HPS1: variants seen among roughly 807,000 people sequenced by gnomAD.
HPS1 encodes the protein BLOC-3 complex member HPS1.
A neutral mutation model predicts 90.6 loss-of-function variants in HPS1; 59 were observed. The ratio of observed to expected loss-of-function variants is 0.65; its 90% CI spans 0.53 to 0.81. HPS1 has a LOEUF of 0.81. HPS1 is among the 30% of genes least tolerant of loss of function. The pLI is 0.00. For synonymous variants in HPS1, 388 were observed against 384.4 expected, an observed-to-expected ratio of 1.01 and a Z score of -0.11; for missense variants, 849 against 896.7, an observed-to-expected ratio of 0.95 and a Z score of 0.68.
chr10:98,419,448 A>T (rs527467543), intron 18 of HPS1, among the ~76,000 whole-genome samples: 31 of 152,096 alleles, frequency 2.0e-4, no homozygotes, highest in Non-Finnish European at 3.8e-4. Context: ...CACCCCTCAC[A>T]GCCCTGTGCA....
At chr10:98,433,587 G>A (rs1434012722) in intron 6 of HPS1, among the ~76,000 whole-genome samples, 1 of 152,148 alleles carries the variant, frequency 6.6e-6, no homozygotes, top group African/African-American at 2.4e-5. Context: ...GCTATTTACT[G>A]GCTGTAGTGC....
chr10:98,427,052 G>A (rs959197073), intron 11 of HPS1, 163 bp downstream of exon 11: 4 of 598,654 alleles, frequency 6.7e-6, no homozygotes, highest in African/African-American at 3.7e-5. Context: ...TCTGGGCTGA[G>A]CTCTGGCACC....
At chr10:98,443,033 G>A (rs1938723918) in intron 3 of HPS1, 91 bp downstream of exon 3, 1 of 917,326 alleles carries the variant, frequency 1.1e-6, no homozygotes, top group Non-Finnish European at 1.8e-6. Context: ...AGGACAGGGT[G>A]AACACAGGTT....
At chr10:98,424,032 A>T in intron 14 of HPS1, 145 bp from the exon 15 acceptor site, 1 of 1,103,986 alleles carries the variant, frequency 9.1e-7, no homozygotes, top group Non-Finnish European at 1.3e-6. Flanking sequence ...TGTACCCAGG[A>T]CAGACCAACC....
rs1052580993 is a variant in HPS1, at chr10:98,424,214, T to C, written c.1397+99A>G. On this transcript the variant is annotated intron_variant, in intron 14 of 19. Coordinates refer to ENST00000361490, the MANE Select transcript of HPS1 (RefSeq NM_000195.5). The stretch of plus-strand genomic sequence containing the variant: ...GAAATCTCCTTTCTTGAAATTATTT[T>C]GCTGATAAATGAAGGGCAGTGGTGG... 5 of 901,034 alleles carry C rather than the reference T, an allele frequency of 5.5e-6. No homozygotes were observed. In the African/African-American group the frequency reaches 8.2e-5, roughly 15 times the overall value. The allele number at this position is 901,034 out of a possible 1,614,324, so 55.8% of individuals were successfully genotyped here.
At chr10:98,430,063 C>T (rs570246013) in intron 8 of HPS1, among the ~76,000 whole-genome samples, 174 bp from the exon 9 acceptor site, 2 of 152,320 alleles carry the variant, frequency 1.3e-5, no homozygotes, top group South Asian at 4.1e-4. Context: ...TCTAGGCGGT[C>T]TGTTCTGTGG....
At chr10:98,429,257 C>A (rs1591075612) in intron 10 of HPS1, 5 of 1,178,816 alleles carry the variant, frequency 4.2e-6, no homozygotes, top group Non-Finnish European at 5.4e-6. Flanking sequence ...ATGATTATTA[C>A]TAAATTTAAC....
rs902731307 is a variant in HPS1 at position 98,422,034 on chromosome 10, G to T, written c.1743+335C>A. On this transcript the variant is annotated intron_variant, in intron 17 of 19. Coordinates refer to ENST00000361490, the MANE Select transcript of HPS1 (RefSeq NM_000195.5). ...CACACACGTATAGTTTTTTTGGAGA[G>T]TGGCAGGGGTCCTCCCCCTATCAAA... Among the ~76,000 whole-genome samples, 18 of 149,688 alleles carry T rather than the reference G, an allele frequency of 1.2e-4. 1 individual carries two copies. The highest frequency in any genetic ancestry group is 1.9e-4 in the Non-Finnish European group (13 of 67,360).
chr10:98,434,790 T>C (rs1430214450), intron 5 of HPS1, among the ~76,000 whole-genome samples: 1 of 152,146 alleles, frequency 6.6e-6, no homozygotes, highest in African/African-American at 2.4e-5. Flanking sequence ...CATGATTCTC[T>C]TTCCCCAAGT....
At chr10:98,427,430 G>A (rs1564841931) in intron 10 of HPS1, among the ~76,000 whole-genome samples, 166 bp from the exon 11 acceptor site, 1 of 152,346 alleles carries the variant, frequency 6.6e-6, no homozygotes, top group African/African-American at 2.4e-5. Context: ...TTCATCCTAA[G>A]TTGGCAGGCA....
intron 16 of HPS1, among the ~76,000 whole-genome samples, chr10:98,423,019 C>T (rs1168019336): frequency 6.6e-6 from 1 of 152,216 alleles, no homozygotes; most frequent in Non-Finnish European, 1.5e-5. Flanking sequence ...TTCACCTGCC[C>T]ACTGAGGACC....
chr10:98,420,280 G>A, intron 17 of HPS1, 122 bp from the exon 18 acceptor site: 1 of 747,932 alleles, frequency 1.3e-6, no homozygotes, highest in Non-Finnish European at 2.4e-6. Flanking sequence ...GCCTCTCCTA[G>A]TACCCGGGCA....
At chr10:98,424,215 G>C in intron 14 of HPS1, 98 bp downstream of exon 14, 1 of 904,004 alleles carries the variant, frequency 1.1e-6, no homozygotes, top group Non-Finnish European at 1.8e-6. Flanking sequence ...AAATTATTTT[G>C]CTGATAAATG....
chr10:98,428,899 T>C (rs1246506664), intron 10 of HPS1, among the ~76,000 whole-genome samples: 1 of 151,834 alleles, frequency 6.6e-6, no homozygotes, highest in African/African-American at 2.4e-5. Flanking sequence ...TGGAGTGCAG[T>C]GGCATGATCT....
In HPS1 at chr10:98,435,770, G is replaced by C; in HGVS notation, c.120C>G (p.Leu40=). Residue 40 remains leucine (L), a splice_region_variant and synonymous_variant, in exon 4 of 20, where the codon CTC becomes CTG. Coordinates refer to ENST00000361490, the MANE Select transcript of HPS1 (RefSeq NM_000195.5). This position sits in a 1 kb window ranked among gnomAD's most constrained non-coding sequence, Gnocchi z 4.3. ...FGQSENEEEE[L]PALEDQLSTL... The stretch of plus-strand genomic sequence containing the variant: ...TGCTGAGCTGGTCCTCCAGGGCAGG[G>C]AGCTGCAAAAATGGGGGAAAATTTC... 6.2e-7 allele frequency: 1 copy of C among 1,614,166 alleles called. No individual in the cohort carries two copies. Among genetic ancestry groups the C allele is most frequent in the East Asian group, 2.2e-5 (1 of 44,884 alleles).
At chr10:98,432,099 T>C (rs1475566077) in intron 6 of HPS1, among the ~76,000 whole-genome samples, 2 of 152,236 alleles carry the variant, frequency 1.3e-5, no homozygotes, top group African/African-American at 2.4e-5. Flanking sequence ...AGAAGTTTCA[T>C]GTGACTAGCA....
intron 10 of HPS1, among the ~76,000 whole-genome samples, chr10:98,427,547 T>C (rs1048979664): frequency 2.0e-5 from 3 of 152,166 alleles, no homozygotes; most frequent in Non-Finnish European, 4.4e-5. Flanking sequence ...TGTTTGGTAA[T>C]GGTGGTCAGG....
At chr10:98,419,600 C>T (rs1564827069) in intron 18 of HPS1, among the ~76,000 whole-genome samples, 1 of 152,216 alleles carries the variant, frequency 6.6e-6, no homozygotes, top group African/African-American at 2.4e-5. Flanking sequence ...CCCCGAGCCA[C>T]ACCACCAGTG....
intron 17 of HPS1, among the ~76,000 whole-genome samples, chr10:98,421,559 A>G (rs1404162007): frequency 6.6e-6 from 1 of 152,238 alleles, no homozygotes; most frequent in East Asian, 1.9e-4. Flanking sequence ...TTGCACATAC[A>G]GAGTGATCTC....
Sources: allele counts gnomAD v4.1 joint callset (sites outside exome capture counted in the v4.1 genomes callset), GRCh38; gene constraint gnomAD v4.1.1; non-coding constraint Gnocchi (gnomAD v3.1); transcripts MANE v1.5; gene names NCBI Gene and HGNC (gene_info 2026-07-23, HGNC 2026-07-21).